The following SORCS2 variants were observed in gnomAD, a reference collection of about 807,000 sequenced individuals.
SORCS2 encodes sortilin related VPS10 domain containing receptor 2, also known as VPS10 domain-containing receptor SorCS2.
SORCS2 carries 100 observed loss-of-function variants against 141.6 expected under a neutral mutation model. That is an observed-to-expected ratio of 0.71 (90% CI 0.60 to 0.83). The LOEUF is 0.83. Ranked by LOEUF, SORCS2 falls within the 40% of genes least tolerant of loss-of-function variation. The pLI is 0.00. For missense variants in SORCS2, 1,646 were observed against 1,560.2 expected, an observed-to-expected ratio of 1.05 and a Z score of -0.93; for synonymous variants, 789 against 676.9, an observed-to-expected ratio of 1.17 and a Z score of -2.57.
intron 9 of SORCS2, among the ~76,000 whole-genome samples, chr4:7,679,870 G>A (rs1454242414): frequency 1.3e-5 from 2 of 152,088 alleles, no homozygotes; most frequent in Non-Finnish European, 2.9e-5. Context: ...CCACCCGGGG[G>A]CCTTGGCCTA....
rs1712700160 is a variant in SORCS2, at chr4:7,741,799, C to T, written c.*1535C>T. On this transcript the variant is annotated 3_prime_UTR_variant, in exon 27 of 27. Coordinates refer to ENST00000507866, the MANE Select transcript of SORCS2 (RefSeq NM_020777.3). Reference sequence around the variant, plus strand: ...CGTTCTCCCATCCACCATGTCTGAGCTTGGGGGAATTGCCTCATTTCCCCT... The same window carrying T: ...CGTTCTCCCATCCACCATGTCTGAGTTTGGGGGAATTGCCTCATTTCCCCT... The T allele has an allele frequency of 6.5e-6, 1 of 152,746 alleles. No individual in the cohort carries two copies. Among genetic ancestry groups the T allele is most frequent in the Admixed American group, 6.5e-5 (1 of 15,288 alleles). 9.5% of individuals were successfully genotyped at this position (152,746 alleles called of 1,614,324 possible). A position where few individuals can be genotyped will look rare whatever the true frequency, so the allele number is the denominator to read the frequency against.
chr4:7,696,607 G>A (rs1035687418), intron 11 of SORCS2, among the ~76,000 whole-genome samples: 6 of 152,160 alleles, frequency 3.9e-5, no homozygotes, highest in African/African-American at 1.4e-4. Context: ...GCTGGAGATG[G>A]ACCCAATCAG....
At chr4:7,458,881 C>G (rs1052592076) in intron 2 of SORCS2, among the ~76,000 whole-genome samples, 1 of 152,126 alleles carries the variant, frequency 6.6e-6, no homozygotes, top group African/African-American at 2.4e-5. Flanking sequence ...AGAAGTTGGC[C>G]TTTGGGACCA....
intron 3 of SORCS2, among the ~76,000 whole-genome samples, chr4:7,557,493 C>T (rs1190110719): frequency 6.6e-6 from 1 of 152,214 alleles, no homozygotes; most frequent in East Asian, 1.9e-4. Flanking sequence ...CGCAAGGATT[C>T]GTTCTCTTTA....
At chr4:7,401,913 A>G (rs1724619324) in intron 2 of SORCS2, among the ~76,000 whole-genome samples, 1 of 152,182 alleles carries the variant, frequency 6.6e-6, no homozygotes, top group Non-Finnish European at 1.5e-5. Context: ...TAATTAAGAA[A>G]TCTTGAACAT....
chr4:7,257,398 G>A, intron 1 of SORCS2, among the ~76,000 whole-genome samples: 1 of 152,100 alleles, frequency 6.6e-6, no homozygotes, highest in Non-Finnish European at 1.5e-5. Context: ...AACTCCCCGG[G>A]GCTCCAAGAG....
intron 2 of SORCS2, among the ~76,000 whole-genome samples, chr4:7,425,963 G>A (rs573921848): frequency 6.6e-6 from 1 of 152,236 alleles, no homozygotes; most frequent in Non-Finnish European, 1.5e-5. Context: ...AGGCACAAAG[G>A]CATCATGATC....
At chr4:7,633,031 A>C (rs1452142161) in intron 3 of SORCS2, among the ~76,000 whole-genome samples, 1 of 152,212 alleles carries the variant, frequency 6.6e-6, no homozygotes, top group African/African-American at 2.4e-5. Flanking sequence ...AGAAGCATTT[A>C]GGTTTGTTGA....
intron 2 of SORCS2, among the ~76,000 whole-genome samples, chr4:7,403,985 ATATATATATATATTT>A (rs372542879): frequency 0.012 from 845 of 70,086 alleles, 34 homozygotes; most frequent in African/African-American, 0.045. Flanking sequence ...ATATATATAT[ATATATATATATATTT>A]TTTTTTTTTT....
chr4:7,460,144 C>A (rs777028000), intron 2 of SORCS2: 1 of 154,866 alleles, frequency 6.5e-6, no homozygotes, highest in Non-Finnish European at 1.5e-5. Context: ...TCTGAGCCAG[C>A]CAATGGGTTG....
chr4:7,292,724 G>T (rs1214018001), intron 1 of SORCS2, among the ~76,000 whole-genome samples: 1 of 152,194 alleles, frequency 6.6e-6, no homozygotes, highest in Non-Finnish European at 1.5e-5. Flanking sequence ...GCAGGGCAGG[G>T]CTTGGGGCCT....
intron 1 of SORCS2, among the ~76,000 whole-genome samples, chr4:7,334,997 G>C (rs1350128061): frequency 6.6e-6 from 1 of 152,142 alleles, no homozygotes; most frequent in Non-Finnish European, 1.5e-5. Flanking sequence ...GGGATGGACT[G>C]AGATGCAGTC....
intron 1 of SORCS2, among the ~76,000 whole-genome samples, chr4:7,303,299 G>A (rs1171738284): frequency 6.6e-6 from 1 of 152,212 alleles, no homozygotes; most frequent in East Asian, 1.9e-4. Flanking sequence ...AATTGTGTCA[G>A]GAACTCAGCT....
intron 4 of SORCS2, among the ~76,000 whole-genome samples, chr4:7,638,783 G>A (rs962243103): frequency 4.6e-5 from 7 of 152,234 alleles, no homozygotes; most frequent in African/African-American, 1.7e-4. Context: ...CAGGCGATTA[G>A]GATCATGCCA....
intron 3 of SORCS2, among the ~76,000 whole-genome samples, chr4:7,578,222 T>C (rs1715896559): frequency 1.3e-5 from 2 of 152,232 alleles, no homozygotes; most frequent in African/African-American, 2.4e-5. Context: ...ATTTCCACCA[T>C]GAGTTGAAGT....
chr4:7,410,608 A>G (rs1725240216), intron 2 of SORCS2, among the ~76,000 whole-genome samples: 1 of 152,186 alleles, frequency 6.6e-6, no homozygotes, highest in Non-Finnish European at 1.5e-5. Flanking sequence ...CCCATTACCT[A>G]AAATGTCCCA....
chr4:7,402,295 C>G (rs1445555240), intron 2 of SORCS2, among the ~76,000 whole-genome samples: 2 of 152,208 alleles, frequency 1.3e-5, no homozygotes, highest in Non-Finnish European at 2.9e-5. Flanking sequence ...AACCTCTACC[C>G]TGAAATTGGT....
chr4:7,417,146 C>G (rs1577526407), intron 2 of SORCS2, among the ~76,000 whole-genome samples: 1 of 152,160 alleles, frequency 6.6e-6, no homozygotes, highest in Middle Eastern at 3.2e-3. Flanking sequence ...TGAGTGTGCA[C>G]TGAAGGATGG....
chr4:7,435,947 C>G (rs955619152), intron 2 of SORCS2, among the ~76,000 whole-genome samples: 3 of 152,230 alleles, frequency 2.0e-5, no homozygotes, highest in African/African-American at 7.2e-5. Flanking sequence ...GGCTTGGGTG[C>G]TCTGTAGGAA....
Sources: allele counts gnomAD v4.1 joint callset (sites outside exome capture counted in the v4.1 genomes callset), GRCh38; gene constraint gnomAD v4.1.1; transcripts MANE v1.5; gene names NCBI Gene and HGNC (gene_info 2026-07-23, HGNC 2026-07-21).